The following NRXN1 variants were observed in gnomAD, a reference collection of about 807,000 sequenced individuals.
NRXN1 encodes neurexin 1.
In NRXN1, 39 loss-of-function variants were observed where a neutral mutation model predicts 150.9. That is an observed-to-expected ratio of 0.26 (90% CI 0.20 to 0.34). NRXN1 has a LOEUF of 0.34. NRXN1 is among the 10% of genes least tolerant of loss of function. NRXN1 has a pLI of 1.00. For missense variants in NRXN1, 1,815 were observed against 1,949.9 expected, an observed-to-expected ratio of 0.93 and a Z score of 1.30; for synonymous variants, 924 against 757.0, an observed-to-expected ratio of 1.22 and a Z score of -3.62.
At chr2:50,902,914 C>G (rs1287202298) in intron 5 of NRXN1, among the ~76,000 whole-genome samples, 3 of 152,042 alleles carry the variant, frequency 2.0e-5, no homozygotes, top group Non-Finnish European at 4.4e-5. Flanking sequence ...ATCAGAACTA[C>G]TACTACTGTT....
At chr2:50,697,626 G>T (rs1320148086) in intron 5 of NRXN1, among the ~76,000 whole-genome samples, 1 of 152,110 alleles carries the variant, frequency 6.6e-6, no homozygotes, top group East Asian at 1.9e-4. Flanking sequence ...CTCTTCTGTA[G>T]CCCATGCTTC....
intron 17 of NRXN1, among the ~76,000 whole-genome samples, chr2:50,291,353 T>G (rs567824974): frequency 6.6e-6 from 1 of 152,136 alleles, no homozygotes; most frequent in African/African-American, 2.4e-5. Flanking sequence ...AGCTTAAGAT[T>G]TTATCCTTAA....
chr2:50,402,696 G>T (rs1313985354), intron 17 of NRXN1, among the ~76,000 whole-genome samples: 1 of 152,070 alleles, frequency 6.6e-6, no homozygotes, highest in Non-Finnish European at 1.5e-5. Flanking sequence ...AGTCATCATT[G>T]GCAGTGGGAC....
At chr2:50,623,240 G>T in intron 6 of NRXN1, 74 bp downstream of exon 6, 1 of 1,184,690 alleles carries the variant, frequency 8.4e-7, no homozygotes, top group East Asian at 2.4e-5. Context: ...CATGTTGTTA[G>T]AGTATTTAAG....
chr2:50,039,210 C>A (rs919861078), intron 21 of NRXN1, among the ~76,000 whole-genome samples: 3 of 151,766 alleles, frequency 2.0e-5, no homozygotes, highest in Non-Finnish European at 4.4e-5. Context: ...AACAAAGAAA[C>A]TTCCCAGCAC....
intron 5 of NRXN1, among the ~76,000 whole-genome samples, chr2:50,813,938 TTGTTTC>T (rs80145098): frequency 0.093 from 14,185 of 152,144 alleles, 750 homozygotes; most frequent in Admixed American, 0.13. Flanking sequence ...AGAAGCTTAG[TTGTTTC>T]TACCAAGATT....
chr2:50,184,703 T>C (rs911764229), intron 18 of NRXN1, among the ~76,000 whole-genome samples: 1 of 151,268 alleles, frequency 6.6e-6, no homozygotes, highest in African/African-American at 2.5e-5. Context: ...GCTGTCTCTC[T>C]CTGTCTCTCT....
intron 2 of NRXN1, among the ~76,000 whole-genome samples, chr2:50,978,002 G>A (rs1219677786): frequency 6.6e-6 from 1 of 151,248 alleles, no homozygotes; most frequent in Non-Finnish European, 1.5e-5. Flanking sequence ...GCATGTTGAT[G>A]GCTTTACTAA....
Position 50,318,725 on chromosome 2 carries a change from A to G in NRXN1, c.3365-81755T>C, listed in dbSNP as rs1176853529. ...TCAAAAACAGGCAAAAGTAAACAGTATATCATTTACTGATACATGCATATA... is the reference window on the plus strand; with the variant it reads ...TCAAAAACAGGCAAAAGTAAACAGTGTATCATTTACTGATACATGCATATA... On this transcript the variant is annotated intron_variant, in intron 17 of 22. Coordinates refer to ENST00000401669, the MANE Select transcript of NRXN1 (RefSeq NM_001330078.2). 7.9e-5 allele frequency among the ~76,000 whole-genome samples: 12 copies of G among 152,296 alleles called. No homozygotes were observed. The East Asian group carries it at 2.3e-3, about 29-fold the overall frequency.
chr2:49,950,583 C>T (rs550985385), intron 21 of NRXN1, among the ~76,000 whole-genome samples: 24 of 152,038 alleles, frequency 1.6e-4, no homozygotes, highest in South Asian at 8.3e-4. Flanking sequence ...TCTCTCTGTT[C>T]TGAGGCAAAT....
intron 21 of NRXN1, among the ~76,000 whole-genome samples, chr2:50,043,645 A>G (rs1323396736): frequency 6.6e-6 from 1 of 152,166 alleles, no homozygotes; most frequent in Non-Finnish European, 1.5e-5. Context: ...AGCTGATGCA[A>G]AGGTAAGCTT....
chr2:50,471,427 G>T (rs1234045651), intron 16 of NRXN1, among the ~76,000 whole-genome samples: 1 of 151,770 alleles, frequency 6.6e-6, no homozygotes, highest in Non-Finnish European at 1.5e-5. Flanking sequence ...TGCTACAAAA[G>T]ACATTATTTT....
chr2:50,957,935 A>G (rs1201822118), intron 2 of NRXN1, among the ~76,000 whole-genome samples: 1 of 152,278 alleles, frequency 6.6e-6, no homozygotes, highest in African/African-American at 2.4e-5. Flanking sequence ...AAAATAAAAA[A>G]CAAGGGATCA....
chr2:50,072,599 T>G (rs1198455682), intron 19 of NRXN1, among the ~76,000 whole-genome samples: 4 of 137,240 alleles, frequency 2.9e-5, no homozygotes, highest in Admixed American at 2.1e-4. Flanking sequence ...TAAATAGTCA[T>G]GGCAAAAAAA....
intron 5 of NRXN1, chr2:50,919,819 A>G: frequency 6.1e-6 from 1 of 163,594 alleles, no homozygotes. Flanking sequence ...ACAGACTTGG[A>G]TTGATGTTAT....
intron 2 of NRXN1, among the ~76,000 whole-genome samples, chr2:51,003,148 A>G (rs1700279081): frequency 6.6e-6 from 1 of 151,946 alleles, no homozygotes; most frequent in African/African-American, 2.4e-5. Context: ...CTCATAAGGT[A>G]ACAAAAACAA....
At chr2:50,296,887 T>C (rs1321342773) in intron 17 of NRXN1, among the ~76,000 whole-genome samples, 8 of 147,484 alleles carry the variant, frequency 5.4e-5, no homozygotes, top group East Asian at 2.0e-4. Context: ...CTTTCTTTTT[T>C]TTTTTTTTTT....
chr2:50,302,364 A>G (rs1441886663), intron 17 of NRXN1, among the ~76,000 whole-genome samples: 1 of 152,238 alleles, frequency 6.6e-6, no homozygotes, highest in Admixed American at 6.5e-5. Context: ...GTATTCTTGA[A>G]ATAATGAATA....
chr2:50,432,654 C>T (rs2085073605), intron 17 of NRXN1, among the ~76,000 whole-genome samples: 1 of 152,110 alleles, frequency 6.6e-6, no homozygotes, highest in Non-Finnish European at 1.5e-5. Flanking sequence ...AGTTTTTATC[C>T]TTCTCTCCCT....
Sources: allele counts gnomAD v4.1 joint callset (sites outside exome capture counted in the v4.1 genomes callset), GRCh38; gene constraint gnomAD v4.1.1; transcripts MANE v1.5; gene names NCBI Gene and HGNC (gene_info 2026-07-23, HGNC 2026-07-21).